The following KCNJ16 variants were observed in gnomAD, a reference collection of about 807,000 sequenced individuals.
KCNJ16 encodes inward rectifier potassium channel 16.
KCNJ16 carries 15 observed loss-of-function variants against 18.5 expected under a neutral mutation model. The observed-to-expected ratio is 0.81, with a 90% CI of 0.54 to 1.25. The LOEUF is 1.25. Among genes scored for constraint, KCNJ16 ranks in the 50% most tolerant of loss-of-function variants. The pLI is 0.00. For synonymous variants in KCNJ16, 174 were observed against 186.5 expected (o/e 0.93, Z 0.55); for missense variants, 523 against 525.7 (o/e 0.99, Z 0.05).
At chr17:70,094,142 T>G (rs548324758) in intron 1 of KCNJ16, among the ~76,000 whole-genome samples, 1 of 152,322 alleles carries the variant, frequency 6.6e-6, no homozygotes, top group East Asian at 1.9e-4. Flanking sequence ...CAGCCCTGTG[T>G]TCTGAAGCTT....
chr17:70,077,040 G>A (rs191526701), intron 1 of KCNJ16, among the ~76,000 whole-genome samples: 8 of 152,282 alleles, frequency 5.3e-5, no homozygotes, highest in African/African-American at 1.9e-4. Flanking sequence ...AGGTGGCAAG[G>A]AAGTGAGCAA....
chr17:70,106,217 T>C (rs1189793350), intron 2 of KCNJ16, among the ~76,000 whole-genome samples: 2 of 152,074 alleles, frequency 1.3e-5, no homozygotes, highest in African/African-American at 2.4e-5. Context: ...TGGCTCAAAA[T>C]TATTTTTTTT....
At chr17:70,106,748 C>T (rs971126764) in intron 2 of KCNJ16, among the ~76,000 whole-genome samples, 8 of 152,102 alleles carry the variant, frequency 5.3e-5, no homozygotes, top group African/African-American at 1.9e-4. Flanking sequence ...TCTGGTAAGC[C>T]CAATCTCTGC....
At chr17:70,094,424 T>C (rs1437586273) in intron 1 of KCNJ16, among the ~76,000 whole-genome samples, 1 of 152,128 alleles carries the variant, frequency 6.6e-6, no homozygotes. Context: ...AACATCTACA[T>C]GAAGAAAACA....
intron 2 of KCNJ16, among the ~76,000 whole-genome samples, chr17:70,102,714 T>C (rs2143859067): frequency 6.6e-6 from 1 of 152,288 alleles, no homozygotes; most frequent in East Asian, 1.9e-4. Flanking sequence ...CTACCCCATT[T>C]GACAGCGGAA....
At chr17:70,100,099 C>T (rs972359787) in intron 1 of KCNJ16, among the ~76,000 whole-genome samples, 6 of 152,086 alleles carry the variant, frequency 3.9e-5, no homozygotes, top group Non-Finnish European at 8.8e-5. Context: ...AACAGGAAGC[C>T]CTCAGGCCGG....
At chr17:70,103,151 T>G (rs2072721950) in intron 2 of KCNJ16, among the ~76,000 whole-genome samples, 1 of 145,796 alleles carries the variant, frequency 6.9e-6, no homozygotes, top group Non-Finnish European at 1.5e-5. Flanking sequence ...GTATATAATA[T>G]ATATAATTTA....
At chr17:70,086,829 G>T (rs1426219261) in intron 1 of KCNJ16, among the ~76,000 whole-genome samples, 1 of 152,144 alleles carries the variant, frequency 6.6e-6, no homozygotes, top group Non-Finnish European at 1.5e-5. Flanking sequence ...GATTCCTGAT[G>T]AAAATAACAA....
chr17:70,101,769 A>C (rs2072634471), intron 2 of KCNJ16: 1 of 126,650 alleles, frequency 7.9e-6, no homozygotes, highest in Non-Finnish European at 1.7e-5. Context: ...TATGTTATTT[A>C]GCCACTCATC....
At chr17:70,078,031 T>A (rs1041499236) in intron 1 of KCNJ16, among the ~76,000 whole-genome samples, 4 of 152,184 alleles carry the variant, frequency 2.6e-5, no homozygotes, top group Non-Finnish European at 5.9e-5. Flanking sequence ...GGCTTTGTAG[T>A]TATTTCACTC....
intron 3 of KCNJ16, 82 bp downstream of exon 3, chr17:70,131,057 A>C: frequency 7.6e-7 from 1 of 1,309,254 alleles, no homozygotes; most frequent in Non-Finnish European, 1.1e-6. Context: ...GATGTCCGTG[A>C]AAGTATCAGG....
chr17:70,085,660 T>C (rs1369079434), intron 1 of KCNJ16, among the ~76,000 whole-genome samples: 1 of 152,216 alleles, frequency 6.6e-6, no homozygotes, highest in African/African-American at 2.4e-5. Context: ...AATGAAACCC[T>C]ACCACCTCAA....
At chr17:70,131,721 T>A (rs2074063827) in intron 3 of KCNJ16, among the ~76,000 whole-genome samples, 1 of 152,184 alleles carries the variant, frequency 6.6e-6, no homozygotes, top group Admixed American at 6.5e-5. Flanking sequence ...TTATATCAGG[T>A]CAGAAAAGTT....
chr17:70,125,930 C>CA (rs891672447), intron 2 of KCNJ16, among the ~76,000 whole-genome samples: 141 of 128,316 alleles, frequency 1.1e-3, no homozygotes, highest in Middle Eastern at 4.2e-3. Flanking sequence ...GTTTCCGTCT[C>CA]AAAAAAAAAA....
chr17:70,118,960 AT>A (rs2073525241), intron 2 of KCNJ16, among the ~76,000 whole-genome samples: 1 of 152,180 alleles, frequency 6.6e-6, no homozygotes, highest in African/African-American at 2.4e-5. Context: ...CCTTCCACCT[AT>A]GACAGGTTAG....
At chr17:70,108,318 T>TG (rs2073024315) in intron 2 of KCNJ16, 2 of 152,302 alleles carry the variant, frequency 1.3e-5, no homozygotes, top group African/African-American at 4.8e-5. Context: ...CATTCCACCC[T>TG]GGGCCTTGCC....
chr17:70,103,296 G>GTGTGTGTA (rs1408960241), intron 2 of KCNJ16, among the ~76,000 whole-genome samples: 8 of 72,048 alleles, frequency 1.1e-4, no homozygotes, highest in African/African-American at 1.8e-4. Context: ...ATGTGTGTGT[G>GTGTGTGTA]TATATATATA....
intron 1 of KCNJ16, among the ~76,000 whole-genome samples, chr17:70,091,805 G>A (rs754167312): frequency 3.3e-4 from 50 of 152,174 alleles, no homozygotes; most frequent in Non-Finnish European, 6.0e-4. Context: ...TTTATCAAGA[G>A]TCACCTCTCC....
chr17:70,099,668 TTCAC>T (rs2072537216), intron 1 of KCNJ16, among the ~76,000 whole-genome samples: 1 of 152,156 alleles, frequency 6.6e-6, no homozygotes, highest in Admixed American at 6.5e-5. Context: ...ATGGCATTTC[TTCAC>T]TCAGTCATTT....
Sources: allele counts gnomAD v4.1 joint callset (sites outside exome capture counted in the v4.1 genomes callset), GRCh38; gene constraint gnomAD v4.1.1; transcripts MANE v1.5; gene names NCBI Gene and HGNC (gene_info 2026-07-23, HGNC 2026-07-21).